FBRSL1: variants seen among roughly 807,000 people sequenced by gnomAD.
The protein encoded by FBRSL1 is fibrosin-1-like protein.
Under a neutral mutation model 89.6 loss-of-function variants are expected in FBRSL1, and 51 were observed. The observed-to-expected ratio is 0.57, with a 90% CI of 0.45 to 0.72. The LOEUF (loss-of-function observed/expected upper bound fraction) is 0.72, where lower values mean the gene tolerates loss of function less well. Ranked by LOEUF, FBRSL1 falls within the 30% of genes least tolerant of loss-of-function variation. The pLI is 0.00. For synonymous variants in FBRSL1, 779 were observed against 681.1 expected (o/e 1.14, Z -2.24); for missense variants, 1,618 against 1,451.8 (o/e 1.11, Z -1.86).
chr12:132,505,146 G>A (rs983180602), intron 1 of FBRSL1, among the ~76,000 whole-genome samples: 2 of 152,136 alleles, frequency 1.3e-5, no homozygotes, highest in Non-Finnish European at 2.9e-5. Context: ...AGATAAGCGG[G>A]GCCTGACCCA....
rs568512902 is a variant in FBRSL1, at chr12:132,505,984, G to C, written c.292-2169G>C. 1.2e-4 allele frequency among the ~76,000 whole-genome samples: 18 copies of C among 152,396 alleles called. No individual in the cohort carries two copies. The South Asian group carries it at 3.7e-3, about 32-fold the overall frequency. On this transcript the variant is annotated intron_variant, in intron 1 of 18. Coordinates refer to ENST00000680143, the MANE Select transcript of FBRSL1 (RefSeq NM_001367871.1). ...CGTGGCTGCAGTGCTGGCTGGGGGT[G>C]TGTGGGCACAGGGGCTGCGCCTGGA...
chr12:132,584,025 T>C lies in FBRSL1; in HGVS notation c.*247T>C. ...TTTCCCCCCACAGATGAGAAGTGTT[T>C]GTAATGGATTTGTATTTTTCTTAAT... On this transcript the variant is annotated 3_prime_UTR_variant, in exon 19 of 19. Transcript: ENST00000680143. 1 of 221,680 alleles carries C rather than the reference T, an allele frequency of 4.5e-6. No individual in the cohort carries two copies. The allele number at this position is 221,680 out of a possible 1,614,324, so 13.7% of individuals were successfully genotyped here.
chr12:132,558,426 C>T (rs2038850583), intron 5 of FBRSL1, among the ~76,000 whole-genome samples: 3 of 152,260 alleles, frequency 2.0e-5, no homozygotes, highest in Non-Finnish European at 4.4e-5. Flanking sequence ...GGCCCTGTGG[C>T]TTGCGGCATG....
intron 1 of FBRSL1, among the ~76,000 whole-genome samples, chr12:132,503,901 G>A (rs1417196575): frequency 2.0e-5 from 3 of 152,194 alleles, no homozygotes; most frequent in Non-Finnish European, 4.4e-5. Context: ...GCCTCCCTCA[G>A]CCTCCTGCCC....
chr12:132,543,757 A>G (rs1412330150), intron 4 of FBRSL1, among the ~76,000 whole-genome samples: 2 of 152,220 alleles, frequency 1.3e-5, no homozygotes, highest in Admixed American at 1.3e-4. Context: ...CTGTGAAAAC[A>G]GTGACACGCA....
At chr12:132,534,631 C>G (rs747228686) in intron 4 of FBRSL1, among the ~76,000 whole-genome samples, 1 of 152,250 alleles carries the variant, frequency 6.6e-6, no homozygotes, top group Non-Finnish European at 1.5e-5. Context: ...AGGCTCAGCC[C>G]GGGTGGCTCC....
intron 3 of FBRSL1, among the ~76,000 whole-genome samples, chr12:132,527,459 C>T (rs1021766952): frequency 2.0e-5 from 3 of 152,228 alleles, no homozygotes; most frequent in African/African-American, 7.2e-5. Flanking sequence ...GGGGAGGACC[C>T]CACCACGACG....
intron 5 of FBRSL1, among the ~76,000 whole-genome samples, chr12:132,559,407 T>C (rs2038927190): frequency 6.6e-6 from 1 of 152,206 alleles, no homozygotes; most frequent in African/African-American, 2.4e-5. Flanking sequence ...TTTTCCTTTT[T>C]TTGAGACCTT....
intron 4 of FBRSL1, among the ~76,000 whole-genome samples, chr12:132,537,030 G>A (rs1243775189): frequency 6.6e-6 from 1 of 152,178 alleles, no homozygotes; most frequent in African/African-American, 2.4e-5. Context: ...GGGGTAGAGT[G>A]GAAGCGGCTG....
At chr12:132,528,316 C>T (rs1001299230) in intron 4 of FBRSL1, among the ~76,000 whole-genome samples, 1 of 152,090 alleles carries the variant, frequency 6.6e-6, no homozygotes, top group African/African-American at 2.4e-5. Context: ...ACCCCAGCTG[C>T]AGCTAAGGGT....
chr12:132,582,932 G>C (rs1254056846), intron 18 of FBRSL1, 39 bp from the exon 19 acceptor site: 3 of 1,353,528 alleles, frequency 2.2e-6, no homozygotes, highest in South Asian at 3.3e-5. Flanking sequence ...CGGCAGGACG[G>C]AGGTCTCGGG....
intron 2 of FBRSL1, among the ~76,000 whole-genome samples, chr12:132,518,731 A>C (rs1593316055): frequency 8.1e-6 from 1 of 124,158 alleles, no homozygotes; most frequent in African/African-American, 3.2e-5. Context: ...TCCATCATTC[A>C]CCCCATGCAT....
chr12:132,518,397 TGTCCATCCATCCACCCATGC>T (rs1251698735), intron 2 of FBRSL1, among the ~76,000 whole-genome samples: 1 of 151,036 alleles, frequency 6.6e-6, no homozygotes, highest in Admixed American at 6.6e-5. Flanking sequence ...TCCACCTGTC[TGTCCATCCATCCACCCATGC>T]GTCCATCATC....
chr12:132,557,249 G>A (rs547051354), intron 5 of FBRSL1, among the ~76,000 whole-genome samples: 6 of 152,288 alleles, frequency 3.9e-5, no homozygotes, highest in African/African-American at 7.2e-5. Flanking sequence ...GAACACCACC[G>A]TCAAGTCCCT....
At chr12:132,575,364 AC>A (rs1669525641) in intron 14 of FBRSL1, among the ~76,000 whole-genome samples, 1 of 152,146 alleles carries the variant, frequency 6.6e-6, no homozygotes, top group Non-Finnish European at 1.5e-5. Flanking sequence ...AGTAGCTGGG[AC>A]TACAGGCGAC....
At chr12:132,519,928 C>T (rs1402032964) in intron 2 of FBRSL1, among the ~76,000 whole-genome samples, 6 of 150,028 alleles carry the variant, frequency 4.0e-5, no homozygotes, top group Non-Finnish European at 7.4e-5. Context: ...AGTGGCTACT[C>T]TTCCAGTCTG....
At chr12:132,511,527 G>C (rs1007894515) in intron 2 of FBRSL1, 26 of 985,846 alleles carry the variant, frequency 2.6e-5, no homozygotes, top group Non-Finnish European at 3.1e-5. Context: ...GTGTTTGGGG[G>C]GGCTTTGACT....
In FBRSL1 at chr12:132,564,535, G is replaced by C. The variant is rs529267173; in HGVS notation, c.646-2946G>C. Among the ~76,000 whole-genome samples, 331 of 95,808 alleles carry C rather than the reference G, an allele frequency of 3.5e-3. 2 individuals are homozygous for C. The highest frequency in any genetic ancestry group is 0.021 in the African/African-American group (313 of 14,568). 62.9% of individuals were successfully genotyped at this position (95,808 alleles called of 152,430 possible). On this transcript the variant is annotated intron_variant, in intron 5 of 18. Transcript: ENST00000680143. ...TTTTGAGACGGAGTCTCGCTCTGTC[G>C]CCCAGGCTGGAGTCCAGTGGTACGA...
chr12:132,533,315 T>A (rs377609577), intron 4 of FBRSL1, among the ~76,000 whole-genome samples: 4 of 93,682 alleles, frequency 4.3e-5, no homozygotes, highest in Admixed American at 1.1e-4. Context: ...TCAGAGAGCC[T>A]CAGTCTCCTC....
Sources: allele counts gnomAD v4.1 joint callset (sites outside exome capture counted in the v4.1 genomes callset), GRCh38; gene constraint gnomAD v4.1.1; transcripts MANE v1.5; gene names NCBI Gene and HGNC (gene_info 2026-07-23, HGNC 2026-07-21).